The following CSMD1 variants were observed in gnomAD, a reference collection of about 807,000 sequenced individuals.
CSMD1 encodes CUB and sushi domain-containing protein 1.
CSMD1 carries 213 observed loss-of-function variants against 417.5 expected under a neutral mutation model. The ratio of observed to expected loss-of-function variants is 0.51; its 90% CI spans 0.46 to 0.57. The LOEUF (loss-of-function observed/expected upper bound fraction) is 0.57. CSMD1 is among the 20% of genes least tolerant of loss of function. The pLI, the probability that CSMD1 is intolerant of heterozygous loss-of-function variation, is 0.00. For synonymous variants in CSMD1, 2,862 were observed against 1,736.8 expected (o/e 1.65, Z -16.11); for missense variants, 6,923 against 4,529.7 (o/e 1.53, Z -15.17).
At position 4,409,524 on chromosome 8, in the gene CSMD1, G is replaced by A. The variant is rs576524460; in HGVS notation, c.415+10429C>T. Among the ~76,000 whole-genome samples, 8 of 152,152 alleles carry A rather than the reference G, an allele frequency of 5.3e-5. No homozygotes were observed. In the East Asian group the frequency reaches 7.7e-4, roughly 15 times the overall value. The stretch of plus-strand genomic sequence containing the variant: ...AAAAATGTAACCCTAACCAAAATAT[G>A]TAACTAGGCAGCTCATTGTTAATTC... On this transcript the variant is annotated intron_variant, in intron 3 of 69. Transcript: ENST00000635120.
At chr8:3,007,752 C>G (rs1441602743) in intron 52 of CSMD1, among the ~76,000 whole-genome samples, 1 of 132,748 alleles carries the variant, frequency 7.5e-6, no homozygotes, top group Non-Finnish European at 1.5e-5. Context: ...AGGGGAACAT[C>G]ACACTCTGGG....
chr8:4,906,995 G>A (rs746586733), intron 1 of CSMD1, among the ~76,000 whole-genome samples: 8 of 152,106 alleles, frequency 5.3e-5, no homozygotes, highest in Non-Finnish European at 8.8e-5. Context: ...ACTTATTCAA[G>A]ACTTAATTCA....
chr8:4,960,843 A>T (rs922543751), intron 1 of CSMD1, among the ~76,000 whole-genome samples: 3 of 152,152 alleles, frequency 2.0e-5, no homozygotes, highest in African/African-American at 7.2e-5. Flanking sequence ...CATTTACATC[A>T]TAAGTTATAT....
intron 7 of CSMD1, among the ~76,000 whole-genome samples, chr8:3,624,413 T>A (rs1054601210): frequency 6.6e-6 from 1 of 152,224 alleles, no homozygotes; most frequent in African/African-American, 2.4e-5. Flanking sequence ...ATATTTGGAA[T>A]AAATAAACCA....
At chr8:4,585,112 G>C (rs1287176547) in intron 2 of CSMD1, among the ~76,000 whole-genome samples, 3 of 145,732 alleles carry the variant, frequency 2.1e-5, no homozygotes, top group Non-Finnish European at 3.0e-5. Flanking sequence ...AAAAAAAAAA[G>C]TACAATAGAA....
chr8:3,946,933 G>C (rs767447453), intron 5 of CSMD1, among the ~76,000 whole-genome samples: 8 of 152,120 alleles, frequency 5.3e-5, no homozygotes, highest in Non-Finnish European at 1.0e-4. Context: ...GTTATGTCTA[G>C]TAACTTTTGT....
chr8:3,654,379 C>T (rs1004153941), intron 7 of CSMD1, among the ~76,000 whole-genome samples: 1 of 152,026 alleles, frequency 6.6e-6, no homozygotes, highest in Non-Finnish European at 1.5e-5. Context: ...TTTTAGACTG[C>T]GTATAAATAG....
chr8:4,501,690 G>A (rs564672824), intron 2 of CSMD1, among the ~76,000 whole-genome samples: 73 of 152,270 alleles, frequency 4.8e-4, no homozygotes, highest in Non-Finnish European at 9.1e-4. Context: ...TTTGTCCAGT[G>A]GATTCACACT....
At chr8:4,605,711 ATGGT>A (rs1408495646) in intron 2 of CSMD1, among the ~76,000 whole-genome samples, 1 of 152,114 alleles carries the variant, frequency 6.6e-6, no homozygotes, top group Non-Finnish European at 1.5e-5. Context: ...CATAAAAAGA[ATGGT>A]TGTCTCATAT....
At chr8:4,687,653 G>A (rs561184200) in intron 1 of CSMD1, among the ~76,000 whole-genome samples, 2 of 152,204 alleles carry the variant, frequency 1.3e-5, no homozygotes, top group Non-Finnish European at 2.9e-5. Context: ...CTAAATCCGT[G>A]AAGGCTTAAA....
intron 5 of CSMD1, among the ~76,000 whole-genome samples, chr8:3,987,157 G>A (rs865839209): frequency 4.6e-5 from 7 of 152,078 alleles, no homozygotes; most frequent in African/African-American, 7.2e-5. Context: ...GAGTTCTATG[G>A]GAGAAAGCAA....
chr8:4,288,318 G>A (rs977373745), intron 3 of CSMD1, among the ~76,000 whole-genome samples: 1 of 152,122 alleles, frequency 6.6e-6, no homozygotes, highest in African/African-American at 2.4e-5. Context: ...GGGCCACCCT[G>A]AAGGGCTCCC....
intron 5 of CSMD1, among the ~76,000 whole-genome samples, chr8:3,790,240 G>C (rs1470943039): frequency 6.6e-6 from 1 of 152,204 alleles, no homozygotes; most frequent in Non-Finnish European, 1.5e-5. Context: ...TATCAGGGAA[G>C]AGTGCATTAT....
At chr8:3,069,817 C>A (rs577287111) in intron 49 of CSMD1, among the ~76,000 whole-genome samples, 23 of 152,340 alleles carry the variant, frequency 1.5e-4, no homozygotes, top group African/African-American at 5.3e-4. Context: ...CTTGGCACTG[C>A]CCTAGTAGAG....
At chr8:4,676,982 T>C (rs934460277) in intron 1 of CSMD1, among the ~76,000 whole-genome samples, 1 of 146,348 alleles carries the variant, frequency 6.8e-6, no homozygotes, top group African/African-American at 2.5e-5. Flanking sequence ...ATATATTATA[T>C]ATTTTATATA....
At chr8:4,670,815 G>C (rs577997163) in intron 1 of CSMD1, among the ~76,000 whole-genome samples, 1 of 152,294 alleles carries the variant, frequency 6.6e-6, no homozygotes, top group Non-Finnish European at 1.5e-5. Context: ...TCAGATGAAA[G>C]TCATACTCTT....
chr8:3,983,964 T>C (rs564204511), intron 5 of CSMD1, among the ~76,000 whole-genome samples: 1 of 151,968 alleles, frequency 6.6e-6, no homozygotes, highest in Admixed American at 6.6e-5. Flanking sequence ...GCAGATCTGA[T>C]GGGGCTGTCA....
intron 3 of CSMD1, among the ~76,000 whole-genome samples, chr8:4,072,895 A>G (rs1395056749): frequency 6.6e-6 from 1 of 152,194 alleles, no homozygotes; most frequent in East Asian, 1.9e-4. Flanking sequence ...CAGTGGAAAA[A>G]GTCAAATCAA....
intron 2 of CSMD1, among the ~76,000 whole-genome samples, chr8:4,578,332 A>ATTTTTCTTTTTTT (rs1799238990): frequency 6.2e-4 from 30 of 48,768 alleles, no homozygotes; most frequent in African/African-American, 1.9e-3. Flanking sequence ...CACCCGGCTC[A>ATTTTTCTTTTTTT]TTTTTTTTTT....
Sources: allele counts gnomAD v4.1 joint callset (sites outside exome capture counted in the v4.1 genomes callset), GRCh38; gene constraint gnomAD v4.1.1; transcripts MANE v1.5; gene names NCBI Gene and HGNC (gene_info 2026-07-23, HGNC 2026-07-21).